Variants in MXRA5 observed in about 807,000 individuals in gnomAD.
MXRA5 encodes matrix remodeling associated 5.
Under a neutral mutation model 112.5 loss-of-function variants are expected in MXRA5, and 41 were observed. That is an observed-to-expected ratio of 0.36 (90% CI 0.28 to 0.47). The LOEUF is 0.47. Ranked by LOEUF, MXRA5 falls within the 20% of genes least tolerant of loss-of-function variation. The probability of loss-of-function intolerance (pLI) is 0.99; values close to 1 mark genes in which losing one functional copy is unlikely to be tolerated. For synonymous variants in MXRA5, 862 were observed against 900.8 expected (o/e 0.96, Z 0.77); for missense variants, 2,150 against 2,251.0 (o/e 0.96, Z 0.91).
At chrX:3,313,171 T>C (rs1921013142) in intron 6 of MXRA5, among the ~76,000 whole-genome samples, 1 of 112,713 alleles carries the variant, frequency 8.9e-6, no homozygotes, top group Non-Finnish European at 1.9e-5. Flanking sequence ...AGCCCAGTTG[T>C]CATCAGAATC....
chrX:3,345,932 G>GT (rs1410048047), intron 1 of MXRA5, among the ~76,000 whole-genome samples: 1 of 112,819 alleles, frequency 8.9e-6, no homozygotes, highest in African/African-American at 3.2e-5. Context: ...GACTGTCCCG[G>GT]TTTTTTTGCA....
At position 3,330,400 on chromosome X, in the gene MXRA5, C is replaced by T; in HGVS notation, c.327G>A (p.Lys109=). The T allele has an allele frequency of 8.4e-7, 1 of 1,193,126 alleles. No homozygotes were observed. Among genetic ancestry groups the T allele is most frequent in the Non-Finnish European group, 1.1e-6 (1 of 887,322 alleles). Residue 109 remains lysine (K), a synonymous_variant, in exon 4 of 7, where the codon AAG becomes AAA. Transcript: ENST00000217939. ...TCACTCTCAGCTTGTTGTAGCTGAACTTGAAAACCTGCAAGGACAGGGGAA... is the reference window on the plus strand; with the variant it reads ...TCACTCTCAGCTTGTTGTAGCTGAATTTGAAAACCTGCAAGGACAGGGGAA... ...LRDLSSLQVF[K]FSYNKLRVIT...
At chrX:3,343,148 G>C (rs1922027487) in intron 2 of MXRA5, among the ~76,000 whole-genome samples, 1 of 112,534 alleles carries the variant, frequency 8.9e-6, no homozygotes, top group Non-Finnish European at 1.9e-5. Flanking sequence ...TTTTTAAAAA[G>C]ACGTTGATAT....
At position 3,343,750 on chromosome X, in the gene MXRA5, C is replaced by A. The variant is rs774579439; in HGVS notation, c.84G>T (p.Pro28=). The A allele has an allele frequency of 3.4e-5, 41 of 1,209,303 alleles. No individual in the cohort carries two copies. Among genetic ancestry groups the A allele is most frequent in the Admixed American group, 2.2e-4 (10 of 45,700 alleles). The change falls in exon 2 of 7, where the codon CCG becomes CCT. Residue 28 remains proline, a synonymous_variant. Coordinates refer to ENST00000217939, the MANE Select transcript of MXRA5 (RefSeq NM_015419.4). ...TGGGGACGTAGCAGGCACAAGGATG[C>A]GGGCAGGCCAGCGCCACTCGCGGAT... ...WGHPRVALAC[P]HPCACYVPSE... is the part of the protein sequence containing the mutation.
chrX:3,342,946 T>G (rs1471419007), intron 2 of MXRA5, among the ~76,000 whole-genome samples: 1 of 112,479 alleles, frequency 8.9e-6, no homozygotes. Flanking sequence ...ATTTAATCAG[T>G]TGTTCTGGGG....
At position 3,330,169 on chromosome X, in the gene MXRA5, C is replaced by G. The variant is rs758222895; in HGVS notation, c.558G>C (p.Arg186Ser). The G allele has an allele frequency of 8.3e-7, 1 of 1,209,037 alleles. No individual in the cohort carries two copies. Among genetic ancestry groups the G allele is most frequent in the Middle Eastern group, 2.3e-4 (1 of 4,352 alleles). The change falls in exon 4 of 7, where the codon AGG becomes AGC. Residue 186 changes from arginine (R) to serine (S), a missense_variant. Arg to Ser is a moderately radical substitution (Grantham distance 110, BLOSUM62 -1). Transcript: ENST00000217939. ...CCATGTTCTCTGCTAAGTAGAGGTG[C>G]CTTATGGTGGAGAGTCTGAAATAAT... is the stretch of plus-strand genomic sequence containing the variant. ...FLDYFRLSTI[R>S]HLYLAENMVR...
At position 3,321,530 on chromosome X, in the gene MXRA5, C is replaced by T. The variant is rs946731763; in HGVS notation, c.4155G>A (p.Thr1385=). ...CTGTCTGTAGCCTCCCAGGCTGGGC[C>T]GTCCTTGAGGGATTCCAGGTTGGAG... ...PGTPTWNPSR[T]AQPGRLQTGI... Residue 1385 remains threonine (T), a synonymous_variant, in exon 5 of 7, where the codon ACG becomes ACA. Coordinates refer to ENST00000217939, the MANE Select transcript of MXRA5 (RefSeq NM_015419.4). The T allele has an allele frequency of 1.7e-6, 2 of 1,209,807 alleles. No homozygotes were observed. Among genetic ancestry groups the T allele is most frequent in the Admixed American group, 2.2e-5 (1 of 45,879 alleles).
chrX:3,317,867 C>T lies in MXRA5; in HGVS notation c.5814G>A (p.Arg1938=). Reference sequence around the variant, plus strand: ...CGGTGACCGAAAGCAAGACCACCATCCTGTCCAGGCCGTGCAGGTTGCTGG... The same window carrying T: ...CGGTGACCGAAAGCAAGACCACCATTCTGTCCAGGCCGTGCAGGTTGCTGG... ...CTASNLHGLD[R]MVVLLSVTVQ... is the part of the protein sequence containing the mutation. The change falls in exon 6 of 7, where the codon AGG becomes AGA. Residue 1938 remains arginine, a synonymous_variant. Coordinates refer to ENST00000217939, the MANE Select transcript of MXRA5 (RefSeq NM_015419.4). 1 of 1,211,618 alleles carries T rather than the reference C, an allele frequency of 8.3e-7. No individual in the cohort carries two copies. The highest frequency in any genetic ancestry group is 1.1e-6 in the Non-Finnish European group (1 of 895,549).
intron 1 of MXRA5, among the ~76,000 whole-genome samples, chrX:3,346,041 A>C (rs931531160): frequency 2.7e-5 from 3 of 111,838 alleles, no homozygotes; most frequent in African/African-American, 9.7e-5. Flanking sequence ...GGAAGAGAGG[A>C]GGGAGAGGAG....
chrX:3,315,936 C>A (rs1252743921), intron 6 of MXRA5, among the ~76,000 whole-genome samples: 1 of 106,027 alleles, frequency 9.4e-6, no homozygotes, highest in African/African-American at 3.6e-5. Flanking sequence ...ACAAGAATTT[C>A]TTGGTTCATT....
rs1346177537 is a variant in MXRA5, at chrX:3,317,375, G to A, written c.6306C>T (p.Phe2102=). 1 of 1,208,778 alleles carries A rather than the reference G, an allele frequency of 8.3e-7. No individual in the cohort carries two copies. The highest frequency in any genetic ancestry group is 1.1e-6 in the Non-Finnish European group (1 of 894,555). The change falls in exon 6 of 7, where the codon TTC becomes TTT. Residue 2102 remains phenylalanine, a synonymous_variant. Transcript: ENST00000217939. The part of the protein sequence containing the change: ...SQFLHGNLFV[F]PNGTLYIRNL... Reference sequence around the variant, plus strand: ...TGCGGATGTAGAGCGTCCCGTTGGGGAAAACAAACAAGTTCCCGTGGAGGA... The same window carrying A: ...TGCGGATGTAGAGCGTCCCGTTGGGAAAAACAAACAAGTTCCCGTGGAGGA...
intron 5 of MXRA5, among the ~76,000 whole-genome samples, chrX:3,319,063 A>G (rs6642196): frequency 0.48 from 52,197 of 109,251 alleles, 9,591 homozygotes; most frequent in Non-Finnish European, 0.58. Context: ...GGGGCTGGGG[A>G]TGGGAGTAAA....
At chrX:3,329,725 T>C (rs958683297) in intron 4 of MXRA5, among the ~76,000 whole-genome samples, 11 of 111,808 alleles carry the variant, frequency 9.8e-5, no homozygotes, top group African/African-American at 3.6e-4. Flanking sequence ...AAGGCTGGCA[T>C]GATCCTCCAG....
In MXRA5 at chrX:3,324,436, A is replaced by G. The variant is rs778111538; in HGVS notation, c.1249T>C (p.Tyr417His). 1.7e-6 allele frequency: 2 copies of G among 1,211,569 alleles called. No individual in the cohort carries two copies. Among genetic ancestry groups the G allele is most frequent in the Non-Finnish European group, 2.2e-6 (2 of 895,417 alleles). The change falls in exon 5 of 7, where the codon TAC becomes CAC. Residue 417 changes from tyrosine to histidine, a missense_variant. By Grantham distance (83) the Tyr-to-His change is moderately conservative (BLOSUM62 2). This residue lies in a region of MXRA5 where 386 missense variants were observed against 411.0 expected (regional missense o/e 0.94). Transcript: ENST00000217939. ...YRQDADEEAL[Y>H]YTGVRAQILA... Reference sequence around the variant, plus strand: ...ATCTGGGCTCTCACACCTGTGTAGTAAAGAGCTTCCTCATCAGCATCCTGC... The same window carrying G: ...ATCTGGGCTCTCACACCTGTGTAGTGAAGAGCTTCCTCATCAGCATCCTGC...
rs748162487 is a variant in MXRA5 at position 3,317,133 on chromosome X, G to A, written c.6548C>T (p.Pro2183Leu). ...GAGCGCGTCGATCATCCTCTTGGAC[G>A]GCAGCCTCCAGAGGATGCGCGGCCA... is the stretch of plus-strand genomic sequence containing the variant. ...DPWPRILWRL[P>L]SKRMIDALFS... The change falls in exon 6 of 7, where the codon CCG (proline) becomes CTG (leucine). Residue 2183 changes from proline to leucine, a missense_variant. By Grantham distance (98) the Pro-to-Leu change is moderately conservative. Transcript: ENST00000217939. 2.5e-6 allele frequency: 3 copies of A among 1,186,295 alleles called. No homozygotes were observed. Among genetic ancestry groups the A allele is most frequent in the East Asian group, 3.0e-5 (1 of 32,846 alleles).
intron 2 of MXRA5, among the ~76,000 whole-genome samples, chrX:3,331,451 G>C (rs1190563352): frequency 4.5e-5 from 5 of 111,841 alleles, no homozygotes; most frequent in Non-Finnish European, 7.5e-5. Context: ...TGGAAACTCT[G>C]TGCTGAAGTG....
chrX:3,345,597 C>A (rs745369173), intron 1 of MXRA5, among the ~76,000 whole-genome samples: 1 of 113,201 alleles, frequency 8.8e-6, no homozygotes, highest in Admixed American at 9.2e-5. Context: ...CCCCAGACAA[C>A]CCTAATCCCG....
chrX:3,334,597 A>G (rs1921742609), intron 2 of MXRA5, among the ~76,000 whole-genome samples: 1 of 111,959 alleles, frequency 8.9e-6, no homozygotes, highest in African/African-American at 3.2e-5. Flanking sequence ...TGGCAACTAA[A>G]ATGTAGTTAG....
rs374582040 is a variant in MXRA5, at chrX:3,309,905, C to G, written c.8298G>C (p.Thr2766=). The G allele has an allele frequency of 1.3e-5, 16 of 1,209,582 alleles. No homozygotes were observed. The highest frequency in any genetic ancestry group is 1.7e-5 in the Non-Finnish European group (15 of 895,173). Residue 2766 remains threonine (T), a synonymous_variant, in exon 7 of 7, where the codon ACG becomes ACC. Transcript: ENST00000217939. ...GATGCGACTTATCCGGTAACTCCCA[C>G]GTGATGTCAGCTTTGGGAATCCCCA... is the stretch of plus-strand genomic sequence containing the variant. The part of the protein sequence containing the change: ...MAMGIPKADI[T]WELPDKSHLK...
Sources: allele counts gnomAD v4.1 joint callset (sites outside exome capture counted in the v4.1 genomes callset), GRCh38; gene constraint gnomAD v4.1.1; regional missense constraint gnomAD v4.1.1; transcripts MANE v1.5; gene names NCBI Gene and HGNC (gene_info 2026-07-23, HGNC 2026-07-21).